Variants in NRXN1 observed in about 807,000 individuals in gnomAD.
NRXN1 encodes neurexin-1.
NRXN1 carries 39 observed loss-of-function variants against 150.9 expected under a neutral mutation model. The ratio of observed to expected loss-of-function variants is 0.26; its 90% CI spans 0.20 to 0.34. The LOEUF is 0.34. Ranked by LOEUF, NRXN1 falls within the 10% of genes least tolerant of loss-of-function variation. The pLI is 1.00. For missense variants in NRXN1, 1,815 were observed against 1,949.9 expected (o/e 0.93, Z 1.30); for synonymous variants, 924 against 757.0 (o/e 1.22, Z -3.62).
chr2:50,331,322 G>A (rs2076821318), intron 17 of NRXN1, among the ~76,000 whole-genome samples: 2 of 152,060 alleles, frequency 1.3e-5, no homozygotes. Flanking sequence ...TTGCATTATA[G>A]ACTAAAATAA....
intron 5 of NRXN1, among the ~76,000 whole-genome samples, chr2:50,822,424 G>A (rs142944607): frequency 6.6e-6 from 1 of 151,982 alleles, no homozygotes; most frequent in Non-Finnish European, 1.5e-5. Context: ...AACAAATAAG[G>A]AAAGTCTTAA....
intron 15 of NRXN1, among the ~76,000 whole-genome samples, chr2:50,477,658 TCTCA>T (rs2090099918): frequency 6.6e-6 from 1 of 152,202 alleles, no homozygotes; most frequent in South Asian, 2.1e-4. Context: ...CTCTTAAATA[TCTCA>T]CTTTCATTTT....
At chr2:50,946,142 T>G (rs1690347459) in intron 2 of NRXN1, among the ~76,000 whole-genome samples, 1 of 151,944 alleles carries the variant, frequency 6.6e-6, no homozygotes, top group South Asian at 2.1e-4. Flanking sequence ...GGAAGCAATT[T>G]CTAAAGTCAG....
chr2:50,143,362 AT>A (rs1456194770), intron 18 of NRXN1, among the ~76,000 whole-genome samples: 2 of 152,074 alleles, frequency 1.3e-5, no homozygotes, highest in South Asian at 4.1e-4. Context: ...AGGATAAATA[AT>A]ATGAAAGAAC....
chr2:51,023,865 C>T (rs978521238), intron 2 of NRXN1, among the ~76,000 whole-genome samples: 2 of 152,088 alleles, frequency 1.3e-5, no homozygotes, highest in African/African-American at 4.8e-5. Flanking sequence ...TCTTAAGTCA[C>T]ATGTATCATA....
intron 2 of NRXN1, among the ~76,000 whole-genome samples, chr2:50,987,506 G>A (rs1184150774): frequency 6.6e-6 from 1 of 151,734 alleles, no homozygotes; most frequent in Non-Finnish European, 1.5e-5. Context: ...TACAAACTTA[G>A]AACAAAATAA....
At chr2:50,866,719 A>T (rs1385900684) in intron 5 of NRXN1, among the ~76,000 whole-genome samples, 1 of 151,982 alleles carries the variant, frequency 6.6e-6, no homozygotes, top group Non-Finnish European at 1.5e-5. Context: ...AAAAGAAAGG[A>T]CAAAAAAATT....
At chr2:50,745,032 G>A (rs192556236) in intron 5 of NRXN1, among the ~76,000 whole-genome samples, 2 of 152,008 alleles carry the variant, frequency 1.3e-5, no homozygotes, top group Admixed American at 6.6e-5. Context: ...CTGAGCATGC[G>A]GCTGGAAGGC....
intron 2 of NRXN1, among the ~76,000 whole-genome samples, chr2:51,021,809 T>G (rs893249058): frequency 1.1e-4 from 16 of 152,088 alleles, no homozygotes; most frequent in Non-Finnish European, 2.4e-4. Context: ...GTATCTTCAA[T>G]AAGCTATTAA....
Position 50,996,029 on chromosome 2 carries a change from G to C in NRXN1, c.772+31473C>G, listed in dbSNP as rs184932745. Among the ~76,000 whole-genome samples, 44 of 152,204 alleles carry C rather than the reference G, an allele frequency of 2.9e-4. 1 individual carries two copies. The highest frequency in any genetic ancestry group is 1.0e-3 in the African/African-American group (43 of 41,570). On this transcript the variant is annotated intron_variant, in intron 2 of 22. Transcript: ENST00000401669. ...AATGAGGATATTATGGAGGGGAAAA[G>C]TCTTGCCTACGTGGAATATCTATGA... is the stretch of plus-strand genomic sequence containing the variant.
chr2:50,486,411 G>A (rs75442047), intron 15 of NRXN1, among the ~76,000 whole-genome samples: 4 of 152,054 alleles, frequency 2.6e-5, no homozygotes. Flanking sequence ...CACACATGTC[G>A]CAGCCAAAAG....
intron 2 of NRXN1, among the ~76,000 whole-genome samples, chr2:50,983,491 A>T (rs1389477869): frequency 6.6e-6 from 1 of 152,074 alleles, no homozygotes; most frequent in African/African-American, 2.4e-5. Context: ...GTCTTTTCTT[A>T]CTATAAAAGA....
At chr2:51,026,480 G>C (rs1416530129) in intron 2 of NRXN1, 5 of 1,567,222 alleles carry the variant, frequency 3.2e-6, no homozygotes, top group African/African-American at 1.3e-5. Context: ...CTAAAGAGGA[G>C]AAAAGAGAAC....
intron 5 of NRXN1, among the ~76,000 whole-genome samples, chr2:50,911,463 ACTGT>A (rs1352695656): frequency 6.6e-6 from 1 of 151,758 alleles, no homozygotes; most frequent in Non-Finnish European, 1.5e-5. Flanking sequence ...TAATAAGAAT[ACTGT>A]CTATTATTTT....
intron 15 of NRXN1, among the ~76,000 whole-genome samples, chr2:50,477,442 G>A (rs1400044566): frequency 5.3e-5 from 8 of 152,260 alleles, no homozygotes; most frequent in Non-Finnish European, 1.0e-4. Context: ...GGGAACGGAG[G>A]TTGGAGCTTA....
intron 5 of NRXN1, among the ~76,000 whole-genome samples, chr2:50,868,423 G>A (rs1481800644): frequency 6.7e-6 from 1 of 150,316 alleles, no homozygotes; most frequent in Non-Finnish European, 1.5e-5. Flanking sequence ...GCGGGAGGGG[G>A]TGAACAATGA....
intron 21 of NRXN1, among the ~76,000 whole-genome samples, chr2:50,017,481 G>A (rs1388296173): frequency 7.2e-5 from 11 of 152,196 alleles, no homozygotes; most frequent in Non-Finnish European, 1.6e-4. Context: ...TTTGGAAGAA[G>A]TATGCTTTGG....
intron 18 of NRXN1, among the ~76,000 whole-genome samples, chr2:50,140,076 T>C (rs1707047429): frequency 6.6e-6 from 1 of 152,172 alleles, no homozygotes; most frequent in African/African-American, 2.4e-5. Flanking sequence ...AAGAATTGTT[T>C]ATCCTGGAAA....
At position 50,434,043 on chromosome 2, in the gene NRXN1, A is replaced by ATCT. The variant is rs1553609855; in HGVS notation, c.3364+31398_3364+31399insAGA. Among the ~76,000 whole-genome samples the ATCT allele has an allele frequency of 3.2e-3, 229 of 72,144 alleles. 51 individuals are homozygous for ATCT. Among genetic ancestry groups the ATCT allele is most frequent in the African/African-American group, 0.011 (193 of 18,180 alleles). The allele number at this position is 72,144 out of a possible 152,430, so 47.3% of individuals were successfully genotyped here. A position where few individuals can be genotyped will look rare whatever the true frequency, so the allele number is the denominator to read the frequency against. ...ACTCCTTGCTTCCGGTATCTAAGCC[A>ATCT]TTTTTTTTTTTTTTTTTTTTTTTTT... On this transcript the variant is annotated intron_variant, in intron 17 of 22. Coordinates refer to ENST00000401669, the MANE Select transcript of NRXN1 (RefSeq NM_001330078.2).
Sources: allele counts gnomAD v4.1 joint callset (sites outside exome capture counted in the v4.1 genomes callset), GRCh38; gene constraint gnomAD v4.1.1; transcripts MANE v1.5; gene names NCBI Gene and HGNC (gene_info 2026-07-23, HGNC 2026-07-21).